Variants in DLG5 observed in about 807,000 individuals in gnomAD.
DLG5 encodes disks large homolog 5.
A neutral mutation model predicts 189.8 loss-of-function variants in DLG5; 48 were observed. The ratio of observed to expected loss-of-function variants is 0.25; its 90% CI spans 0.20 to 0.32. The LOEUF is 0.32. Ranked by LOEUF, DLG5 falls within the 10% of genes least tolerant of loss-of-function variation. The pLI, the probability that DLG5 is intolerant of heterozygous loss-of-function variation, is 1.00. For missense variants in DLG5, 2,160 were observed against 2,544.7 expected (o/e 0.85, Z 3.25); for synonymous variants, 1,016 against 1,054.1 (o/e 0.96, Z 0.70).
chr10:77,816,762 A>G, intron 19 of DLG5, 61 bp from the exon 20 acceptor site: 17 of 1,561,454 alleles, frequency 1.1e-5, no homozygotes, highest in Middle Eastern at 1.7e-4. Context: ...AACAGCCAAG[A>G]CCAAGAGGCA....
chr10:77,919,322 T>A (rs1308517735), intron 1 of DLG5, among the ~76,000 whole-genome samples: 1 of 152,020 alleles, frequency 6.6e-6, no homozygotes, highest in East Asian at 1.9e-4. Flanking sequence ...ACACTAACAT[T>A]AAATCAGATT....
rs777498936 is a variant in DLG5, at chr10:77,907,495, A to G, written c.304+18722T>C. On this transcript the variant is annotated intron_variant, in intron 1 of 31. Transcript: ENST00000372391. The stretch of plus-strand genomic sequence containing the variant: ...TCAGGAGGCTAAGGTAGGATAATCA[A>G]TTGAGCCTGTGAGGTGGAGGTGGCC... Among the ~76,000 whole-genome samples the G allele has an allele frequency of 3.9e-4, 59 of 152,090 alleles. 1 individual carries two copies. Among genetic ancestry groups the G allele is most frequent in the Admixed American group, 1.3e-4 (2 of 15,262 alleles).
rs2131889177 is a variant in DLG5, at chr10:77,926,267, A to G, written c.254T>C (p.Ile85Thr). The G allele has an allele frequency of 6.3e-7, 1 of 1,576,760 alleles. No homozygotes were observed. The highest frequency in any genetic ancestry group is 8.6e-7 in the Non-Finnish European group (1 of 1,163,610). ...LEKTQPHLLP[I>T]LYLNGVVGPP... is the part of the protein sequence containing the mutation. ...CCCGACGACGCCGTTCAGGTAGAGAATGGGCAGCAGGTGAGGCTGCGTCTT... is the reference window on the plus strand; with the variant it reads ...CCCGACGACGCCGTTCAGGTAGAGAGTGGGCAGCAGGTGAGGCTGCGTCTT... Residue 85 changes from isoleucine (I) to threonine (T), a missense_variant, in exon 1 of 32, where the codon ATT (isoleucine) becomes ACT (threonine). Physicochemically the swap from Ile to Thr is moderately conservative, Grantham distance 89. Around this residue, in one of 5 missense-constraint regions of DLG5, gnomAD observed 664 missense variants for 838.5 expected, o/e 0.79. Coordinates refer to ENST00000372391, the MANE Select transcript of DLG5 (RefSeq NM_004747.4). This position sits in a 1 kb window ranked among gnomAD's most constrained non-coding sequence, Gnocchi z 5.2.
At chr10:77,847,008 G>A (rs1428467460) in intron 5 of DLG5, among the ~76,000 whole-genome samples, 1 of 152,128 alleles carries the variant, frequency 6.6e-6, no homozygotes, top group Non-Finnish European at 1.5e-5. Flanking sequence ...CCATGGTTTG[G>A]CCTCTTTGCA....
intron 5 of DLG5, among the ~76,000 whole-genome samples, chr10:77,850,965 AC>A (rs776028491): frequency 1.8e-4 from 28 of 152,266 alleles, no homozygotes; most frequent in Admixed American, 2.6e-4. Context: ...GCAAAAGGTT[AC>A]CTGAGCCAAG....
intron 4 of DLG5, among the ~76,000 whole-genome samples, chr10:77,853,976 T>G (rs1252654557): frequency 6.6e-6 from 1 of 152,200 alleles, no homozygotes; most frequent in African/African-American, 2.4e-5. Flanking sequence ...CCCTGCTGCA[T>G]GTTCTGAATC....
intron 3 of DLG5, among the ~76,000 whole-genome samples, chr10:77,854,999 CTAAA>C (rs528937210): frequency 8.6e-5 from 13 of 151,728 alleles, no homozygotes; most frequent in Non-Finnish European, 1.2e-4. Context: ...AAAATAATTA[CTAAA>C]TAAATAAATA....
rs187911967 is a variant in DLG5, at chr10:77,873,872, C to T, written c.305-4675G>A. Among the ~76,000 whole-genome samples, 359 of 152,344 alleles carry T rather than the reference C, an allele frequency of 2.4e-3. 2 individuals are homozygous for T. The highest frequency in any genetic ancestry group is 0.023 in the South Asian group (112 of 4,830). On this transcript the variant is annotated intron_variant, in intron 1 of 31. Transcript: ENST00000372391. ...TCCCCAGGGAAAGGAGAGGGAGACA[C>T]CAAGCTGCTACTCTCTGGAGCTCTG...
chr10:77,835,612 G>A (rs1458074509), intron 8 of DLG5, 126 bp downstream of exon 8: 1 of 1,017,082 alleles, frequency 9.8e-7, no homozygotes, highest in East Asian at 2.7e-5. Flanking sequence ...TGAGAAAGGA[G>A]GAGCCCAGGT....
At chr10:77,869,892 A>G (rs1385483281) in intron 1 of DLG5, among the ~76,000 whole-genome samples, 6 of 152,056 alleles carry the variant, frequency 3.9e-5, no homozygotes, top group Non-Finnish European at 8.8e-5. Flanking sequence ...ACCTAGCTCT[A>G]TGTAGGTGCC....
chr10:77,892,421 A>T (rs1845636903), intron 1 of DLG5, among the ~76,000 whole-genome samples: 2 of 152,248 alleles, frequency 1.3e-5, no homozygotes, highest in Non-Finnish European at 2.9e-5. Flanking sequence ...CACTTTCATC[A>T]TAAAATTTTG....
chr10:77,854,186 C>T, intron 4 of DLG5, 41 bp downstream of exon 4: 1 of 1,608,164 alleles, frequency 6.2e-7, no homozygotes, highest in Non-Finnish European at 8.5e-7. Flanking sequence ...AGGCAGCTGT[C>T]TGTGGGTGTT....
chr10:77,933,226 G>A, the DLG5 span, among the ~76,000 whole-genome samples: 5 of 152,104 alleles, frequency 3.3e-5, no homozygotes, highest in East Asian at 9.7e-4. Flanking sequence ...CTTTATTAAG[G>A]TTTATCAGTG....
intron 17 of DLG5, among the ~76,000 whole-genome samples, chr10:77,819,116 T>C (rs1414999112): frequency 1.3e-5 from 2 of 152,236 alleles, no homozygotes; most frequent in African/African-American, 2.4e-5. Context: ...CACTATCGTG[T>C]CCTTCCAGTA....
At chr10:77,940,522 C>T in the DLG5 span, among the ~76,000 whole-genome samples, 1 of 152,202 alleles carries the variant, frequency 6.6e-6, no homozygotes, top group African/African-American at 2.4e-5. Flanking sequence ...GATACATCCC[C>T]ACTCCCTGGG....
intron 2 of DLG5, among the ~76,000 whole-genome samples, chr10:77,862,594 C>A (rs1000181050): frequency 3.9e-5 from 6 of 152,200 alleles, no homozygotes; most frequent in African/African-American, 1.4e-4. Flanking sequence ...ACCCAGCAAT[C>A]CCATTCTTAG....
chr10:77,899,664 A>G (rs2154577825), intron 1 of DLG5, among the ~76,000 whole-genome samples: 1 of 152,192 alleles, frequency 6.6e-6, no homozygotes, highest in East Asian at 1.9e-4. Context: ...TCATGACCAG[A>G]CTTGTGCTCA....
chr10:77,873,061 G>A (rs1001515617), intron 1 of DLG5, among the ~76,000 whole-genome samples: 2 of 151,242 alleles, frequency 1.3e-5, no homozygotes, highest in African/African-American at 2.4e-5. Flanking sequence ...ACGAGAGGAG[G>A]GCACCAACCA....
chr10:77,934,844 TTTTTTTTGTTTTTTTG>T, the DLG5 span, among the ~76,000 whole-genome samples: 1 of 130,396 alleles, frequency 7.7e-6, no homozygotes, highest in African/African-American at 3.8e-5. Context: ...GTGCTGTTCT[TTTTTTTTGTTTTTTTG>T]TTTTTTTTTT....
Sources: allele counts gnomAD v4.1 joint callset (sites outside exome capture counted in the v4.1 genomes callset), GRCh38; gene constraint gnomAD v4.1.1; regional missense constraint gnomAD v4.1.1; non-coding constraint Gnocchi (gnomAD v3.1); transcripts MANE v1.5; gene names NCBI Gene and HGNC (gene_info 2026-07-23, HGNC 2026-07-21).